LRP2: variants seen among roughly 807,000 people sequenced by gnomAD.
LRP2 encodes LDL receptor related protein 2.
A neutral mutation model predicts 531.0 loss-of-function variants in LRP2; 172 were observed. The ratio of observed to expected loss-of-function variants is 0.32; its 90% CI spans 0.29 to 0.37. LRP2 has a LOEUF of 0.37. Among genes scored for constraint, LRP2 ranks in the 10% least tolerant of loss-of-function variants. LRP2 has a pLI of 1.00. For synonymous variants in LRP2, 1,992 were observed against 2,027.6 expected (o/e 0.98, Z 0.47); for missense variants, 5,167 against 5,868.3 (o/e 0.88, Z 3.90).
At chr2:169,286,638 C>T (rs940526198) in intron 9 of LRP2, among the ~76,000 whole-genome samples, 1 of 152,306 alleles carries the variant, frequency 6.6e-6, no homozygotes, top group South Asian at 2.1e-4. Flanking sequence ...TCACCACAGA[C>T]TTATATGTTG....
At chr2:169,271,292 C>A (rs1683406586) in intron 15 of LRP2, among the ~76,000 whole-genome samples, 185 bp from the exon 16 acceptor site, 2 of 151,890 alleles carry the variant, frequency 1.3e-5, no homozygotes, top group Non-Finnish European at 2.9e-5. Context: ...AGATAAGCAA[C>A]TATGAGGGAG....
chr2:169,246,619 A>C lies in LRP2; in HGVS notation c.3190+86T>G, dbSNP rs937079661. The C allele has an allele frequency of 1.7e-5, 25 of 1,495,250 alleles. No individual in the cohort carries two copies. In the Admixed American group the frequency reaches 4.0e-4, roughly 24 times the overall value. 92.6% of individuals were successfully genotyped at this position (1,495,250 alleles called of 1,614,324 possible). A position where few individuals can be genotyped will look rare whatever the true frequency, so the allele number is the denominator to read the frequency against. On this transcript the variant is annotated intron_variant, in intron 21 of 78. Transcript: ENST00000649046. The stretch of plus-strand genomic sequence containing the variant: ...TTCTAAAAGATATTTTTCCCATATA[A>C]ATAGCCCAAGCTTTTATTTATTTTC...
At chr2:169,144,276 C>G (rs886561102) in intron 70 of LRP2, among the ~76,000 whole-genome samples, 1 of 152,180 alleles carries the variant, frequency 6.6e-6, no homozygotes, top group Non-Finnish European at 1.5e-5. Context: ...ATGGGGCCCA[C>G]GAATCTATAT....
At chr2:169,224,316 AT>A (rs1416648767) in intron 33 of LRP2, among the ~76,000 whole-genome samples, 1 of 152,194 alleles carries the variant, frequency 6.6e-6, no homozygotes, top group Non-Finnish European at 1.5e-5. Flanking sequence ...ATTATTGTGA[AT>A]TAATAATCCC....
At position 169,213,733 on chromosome 2, in the gene LRP2, C is replaced by T; in HGVS notation, c.5964G>A (p.Lys1988=). 1 of 1,613,868 alleles carries T rather than the reference C, an allele frequency of 6.2e-7. No individual in the cohort carries two copies. The highest frequency in any genetic ancestry group is 8.5e-7 in the Non-Finnish European group (1 of 1,179,848). ...AGACTATTTTGTTGGCCCCAGTGGC[C>T]TTATCAACTCTTTCAATGACCTCAT... ...EQYEVIERVD[K]ATGANKIVLR... Residue 1988 remains lysine (K), a synonymous_variant, in exon 36 of 79, where the codon AAG becomes AAA. Coordinates refer to ENST00000649046, the MANE Select transcript of LRP2 (RefSeq NM_004525.3).
At chr2:169,314,151 C>A (rs529577251) in intron 3 of LRP2, among the ~76,000 whole-genome samples, 76 of 152,034 alleles carry the variant, frequency 5.0e-4, no homozygotes, top group African/African-American at 1.7e-3. Flanking sequence ...TTAATCCCAG[C>A]TATGGGAGAT....
At chr2:169,278,797 C>G (rs1379382063) in intron 12 of LRP2, among the ~76,000 whole-genome samples, 4 of 152,176 alleles carry the variant, frequency 2.6e-5, no homozygotes, top group Non-Finnish European at 5.9e-5. Context: ...TATAACACTT[C>G]TCAAATGTGA....
intron 9 of LRP2, among the ~76,000 whole-genome samples, chr2:169,284,108 A>G (rs1683777013): frequency 2.0e-5 from 3 of 152,158 alleles, no homozygotes; most frequent in Admixed American, 2.0e-4. Context: ...CCAAGTCTAG[A>G]ATTCTCCAGA....
At chr2:169,138,837 C>T in intron 74 of LRP2, 131 bp from the exon 75 acceptor site, 1 of 1,037,518 alleles carries the variant, frequency 9.6e-7, no homozygotes, top group Non-Finnish European at 1.5e-6. Context: ...TGCTCAATTC[C>T]CACTCTAAAT....
chr2:169,192,409 C>T (rs990800422), intron 47 of LRP2, among the ~76,000 whole-genome samples: 1 of 152,020 alleles, frequency 6.6e-6, no homozygotes, highest in African/African-American at 2.4e-5. Context: ...ATCACACAAG[C>T]ACAATGTGAA....
rs1428617565 is a variant in LRP2, at chr2:169,275,121, G to A, written c.1890C>T (p.Phe630=). The A allele has an allele frequency of 8.1e-6, 13 of 1,613,776 alleles. No homozygotes were observed. The highest frequency in any genetic ancestry group is 1.0e-5 in the Non-Finnish European group (12 of 1,179,854). The change falls in exon 14 of 79, where the codon TTC becomes TTT. Residue 630 remains phenylalanine, a synonymous_variant. Transcript: ENST00000649046. ...TKMAVLKANK[F]TETNPQVYYQ... is the part of the protein sequence containing the mutation. ...AGTACACTTGTGGGTTGGTCTCTGTGAACTTGTTTGCCTTCAGCACGGCCA... is the reference window on the plus strand; with the variant it reads ...AGTACACTTGTGGGTTGGTCTCTGTAAACTTGTTTGCCTTCAGCACGGCCA...
chr2:169,311,449 C>T (rs1327652218), intron 3 of LRP2, among the ~76,000 whole-genome samples: 1 of 152,176 alleles, frequency 6.6e-6, no homozygotes, highest in African/African-American at 2.4e-5. Context: ...GCCTTCATTT[C>T]TTTATGTACC....
In LRP2 at chr2:169,272,781, C is replaced by T. The variant is rs115435269; in HGVS notation, c.2116+146G>A. On this transcript the variant is annotated intron_variant, in intron 15 of 78. Transcript: ENST00000649046. The stretch of plus-strand genomic sequence containing the variant: ...GAAGTGGTGCCTACCAAGGAAGATG[C>T]CCTGTGGGCTACAGAAAGCTTATTT... 931 of 943,354 alleles carry T rather than the reference C, an allele frequency of 9.9e-4. 13 individuals carry two copies. The African/African-American group carries it at 0.014, about 14-fold the overall frequency. The allele number at this position is 943,354 out of a possible 1,614,324, so 58.4% of individuals were successfully genotyped here. A position where few individuals can be genotyped will look rare whatever the true frequency, so the allele number is the denominator to read the frequency against.
At chr2:169,172,239 C>G in intron 57 of LRP2, 105 bp from the exon 58 acceptor site, 2 of 1,314,290 alleles carry the variant, frequency 1.5e-6, no homozygotes, top group East Asian at 4.8e-5. Flanking sequence ...TTAGCTCACT[C>G]TTGAAGCTCC....
chr2:169,175,422 A>G (rs754875998), intron 54 of LRP2, 33 bp from the exon 55 acceptor site: 3 of 1,598,308 alleles, frequency 1.9e-6, no homozygotes, highest in Admixed American at 3.3e-5. Context: ...TTCTTTAGCA[A>G]AGCACCAGGG....
rs1374353317 is a variant in LRP2 at position 169,200,506 on chromosome 2, T to C, written c.8452+1122A>G. 2.0e-5 allele frequency among the ~76,000 whole-genome samples: 3 copies of C among 152,172 alleles called. No homozygotes were observed. The East Asian group carries it at 5.8e-4, about 29-fold the overall frequency. On this transcript the variant is annotated intron_variant, in intron 44 of 78. Coordinates refer to ENST00000649046, the MANE Select transcript of LRP2 (RefSeq NM_004525.3). The stretch of plus-strand genomic sequence containing the variant: ...AGAACAGAAAATTCAAGTTAAGGAC[T>C]CCCATTGGCCTAAGTTTGGACAACT...
chr2:169,138,472 C>T (rs1685597749), intron 75 of LRP2, 105 bp downstream of exon 75: 1 of 1,233,744 alleles, frequency 8.1e-7, no homozygotes, highest in Non-Finnish European at 1.2e-6. Context: ...TTCTGAGAGG[C>T]CTAATACTGT....
chr2:169,204,747 G>A (rs992877397), intron 41 of LRP2, among the ~76,000 whole-genome samples: 4 of 152,194 alleles, frequency 2.6e-5, no homozygotes, highest in African/African-American at 9.7e-5. Context: ...AGATCAGGAG[G>A]TTAGGTCTTG....
At chr2:169,268,868 C>G (rs1157312605) in intron 16 of LRP2, among the ~76,000 whole-genome samples, 1 of 152,156 alleles carries the variant, frequency 6.6e-6, no homozygotes, top group African/African-American at 2.4e-5. Flanking sequence ...CATCTCAGCC[C>G]AATATCTCCT....
Sources: gnomAD v4.1 joint callset for allele counts (sites outside exome capture counted in the v4.1 genomes callset) on GRCh38, gnomAD v4.1.1 for gene constraint, MANE v1.5 for transcripts, NCBI Gene and HGNC (gene_info 2026-07-23, HGNC 2026-07-21) for gene names.